The following GSE1 variants were observed in gnomAD, a reference collection of about 807,000 sequenced individuals.
GSE1 encodes the protein Gse1 coiled-coil protein.
A neutral mutation model predicts 112.6 loss-of-function variants in GSE1; 32 were observed. The ratio of observed to expected loss-of-function variants is 0.28; its 90% CI spans 0.21 to 0.38. The LOEUF is 0.38. Ranked by LOEUF, GSE1 falls within the 10% of genes least tolerant of loss-of-function variation. The pLI is 1.00. For synonymous variants in GSE1, 1,115 were observed against 735.6 expected, an observed-to-expected ratio of 1.52 and a Z score of -8.35; for missense variants, 2,348 against 1,699.2, an observed-to-expected ratio of 1.38 and a Z score of -6.71.
intron 1 of GSE1, among the ~76,000 whole-genome samples, chr16:85,623,371 T>A (rs2048861640): frequency 6.6e-6 from 1 of 152,118 alleles, no homozygotes; most frequent in African/African-American, 2.4e-5. Context: ...GAGCCACTGT[T>A]CACTGACCCT....
chr16:85,263,451 G>A (rs1182835942), intron 1 of GSE1, among the ~76,000 whole-genome samples: 1 of 152,140 alleles, frequency 6.6e-6, no homozygotes, highest in African/African-American at 2.4e-5. Flanking sequence ...TGGCCCGGTG[G>A]CTGCAGTTTG....
At chr16:85,639,456 T>C (rs2050264220) in intron 2 of GSE1, among the ~76,000 whole-genome samples, 1 of 152,100 alleles carries the variant, frequency 6.6e-6, no homozygotes, top group Non-Finnish European at 1.5e-5. Flanking sequence ...TCCCACCCCC[T>C]GCGCTGGACA....
intron 1 of GSE1, among the ~76,000 whole-genome samples, chr16:85,186,033 A>G (rs1447660520): frequency 3.9e-5 from 6 of 152,206 alleles, no homozygotes; most frequent in African/African-American, 1.4e-4. Context: ...GCGAGAGACC[A>G]CGATGGGCCG....
chr16:85,391,982 T>C (rs1404953351), intron 2 of GSE1, among the ~76,000 whole-genome samples: 4 of 152,084 alleles, frequency 2.6e-5, no homozygotes, highest in South Asian at 4.1e-4. Context: ...TGTTGGTGGA[T>C]ACCTCCCCAT....
intron 1 of GSE1, among the ~76,000 whole-genome samples, chr16:85,335,865 G>C (rs1021323398): frequency 3.9e-5 from 6 of 152,180 alleles, no homozygotes; most frequent in African/African-American, 1.4e-4. Flanking sequence ...CTTCAGACCT[G>C]ACGTCCAGTG....
intron 2 of GSE1, among the ~76,000 whole-genome samples, chr16:85,400,230 G>C (rs1263047006): frequency 6.6e-6 from 1 of 151,452 alleles, no homozygotes; most frequent in Non-Finnish European, 1.5e-5. Flanking sequence ...AAAGAGATGG[G>C]AAAACAGGAA....
chr16:85,501,002 T>TTTTTTTG lies in GSE1; in HGVS notation c.2465-132906_2465-132905insGTTTTTT, dbSNP rs1555522864. On this transcript the variant is annotated intron_variant, in intron 2 of 2. Transcript: ENST00000637419. Reference sequence around the variant, plus strand: ...TACTCCAGTATGGCCTGTTCTGTTTTTTTTTTTTTTTTTTTTTTTTTGAGA... The same window carrying TTTTTTTG: ...TACTCCAGTATGGCCTGTTCTGTTTTTTTTTTGTTTTTTTTTTTTTTTTTTTTTGAGA... Among the ~76,000 whole-genome samples the TTTTTTTG allele has an allele frequency of 9.6e-4, 122 of 127,420 alleles. 1 individual carries two copies. Among genetic ancestry groups the TTTTTTTG allele is most frequent in the African/African-American group, 3.9e-3 (120 of 30,442 alleles). The allele number at this position is 127,420 out of a possible 152,430, so 83.6% of individuals were successfully genotyped here.
chr16:85,551,033 T>C (rs1204607342), upstream of GSE1, among the ~76,000 whole-genome samples: 1 of 152,174 alleles, frequency 6.6e-6, no homozygotes, highest in Non-Finnish European at 1.5e-5. Context: ...GGCAGGGCTT[T>C]TTCAGGGAGG....
At chr16:85,182,439 C>T (rs1019639504) in intron 1 of GSE1, among the ~76,000 whole-genome samples, 9 of 152,324 alleles carry the variant, frequency 5.9e-5, no homozygotes, top group African/African-American at 1.2e-4. Flanking sequence ...ACTCCCCTGG[C>T]GGCCTGGTCC....
At chr16:85,343,463 AG>A (rs1230283836) in intron 1 of GSE1, among the ~76,000 whole-genome samples, 1 of 152,202 alleles carries the variant, frequency 6.6e-6, no homozygotes, top group African/African-American at 2.4e-5. Context: ...CAGCTTAAAA[AG>A]TTTGCCCGGC....
intron 1 of GSE1, among the ~76,000 whole-genome samples, chr16:85,224,571 C>T (rs770913719): frequency 6.6e-6 from 1 of 152,140 alleles, no homozygotes; most frequent in Non-Finnish European, 1.5e-5. Flanking sequence ...GTTCCTTGAG[C>T]ATCTACTATG....
chr16:85,205,152 CAG>C (rs1391699251), intron 1 of GSE1, among the ~76,000 whole-genome samples: 1 of 152,022 alleles, frequency 6.6e-6, no homozygotes, highest in African/African-American at 2.4e-5. Flanking sequence ...TTTTTTGAGA[CAG>C]AGTCTCGCTC....
upstream of GSE1, among the ~76,000 whole-genome samples, chr16:85,608,646 CCT>C (rs1182976971): frequency 6.6e-6 from 1 of 152,148 alleles, no homozygotes; most frequent in Non-Finnish European, 1.5e-5. Context: ...AATGTGTGTG[CCT>C]GAGGCAGGCC....
intron 2 of GSE1, among the ~76,000 whole-genome samples, chr16:85,473,781 G>A (rs570340743): frequency 3.4e-5 from 5 of 148,856 alleles, no homozygotes; most frequent in East Asian, 1.9e-4. Flanking sequence ...CGGGGCGGAG[G>A]GGGGGTCACC....
chr16:85,302,830 G>C (rs2045564867), intron 1 of GSE1, among the ~76,000 whole-genome samples: 1 of 152,228 alleles, frequency 6.6e-6, no homozygotes, highest in Non-Finnish European at 1.5e-5. Context: ...GGTGAGGTCA[G>C]CGGCTGTCAC....
chr16:85,387,388 C>A (rs1265995336), intron 2 of GSE1, among the ~76,000 whole-genome samples: 2 of 152,208 alleles, frequency 1.3e-5, no homozygotes, highest in Non-Finnish European at 2.9e-5. Flanking sequence ...CCCACGCATG[C>A]TGAAGCCGTT....
chr16:85,606,033 C>T (rs1303453875), intron 1 of GSE1, among the ~76,000 whole-genome samples: 1 of 152,186 alleles, frequency 6.6e-6, no homozygotes, highest in Non-Finnish European at 1.5e-5. Flanking sequence ...ATGTGCCCAT[C>T]GGGCTTGGCC....
rs764513089 is a variant in GSE1 at position 85,265,516 on chromosome 16, A to G, written c.2284-91947A>G. On this transcript the variant is annotated intron_variant, in intron 1 of 2. Coordinates refer to the GSE1 transcript ENST00000637419. ...GCCTTTTCTAGAATATGTCCGGACT[A>G]TATCTCATAACTGGGCAGACCCCTC... is the stretch of plus-strand genomic sequence containing the variant. 3.9e-5 allele frequency among the ~76,000 whole-genome samples: 6 copies of G among 152,074 alleles called. No individual in the cohort carries two copies. In the East Asian group the frequency reaches 9.6e-4, roughly 24 times the overall value.
At chr16:85,410,368 C>CT (rs1354507312) in intron 2 of GSE1, among the ~76,000 whole-genome samples, 23 of 42,056 alleles carry the variant, frequency 5.5e-4, no homozygotes, top group South Asian at 1.1e-3. Flanking sequence ...CAGGGCCCCC[C>CT]GGATAATCCT....
Sources: allele counts gnomAD v4.1 joint callset (sites outside exome capture counted in the v4.1 genomes callset), GRCh38; gene constraint gnomAD v4.1.1; transcripts MANE v1.5; gene names NCBI Gene and HGNC (gene_info 2026-07-23, HGNC 2026-07-21).